KIF6: variants seen among roughly 807,000 people sequenced by gnomAD.
The protein encoded by KIF6 is kinesin family member 6, also known as kinesin-like protein KIF6.
KIF6 carries 106 observed loss-of-function variants against 112.7 expected under a neutral mutation model. That is an observed-to-expected ratio of 0.94 (90% CI 0.80 to 1.11). KIF6 has a LOEUF of 1.11. Among genes scored for constraint, KIF6 ranks in the 50% least tolerant of loss-of-function variants. KIF6 has a pLI of 0.00. For synonymous variants in KIF6, 339 were observed against 339.9 expected, an observed-to-expected ratio of 1.00 and a Z score of 0.03; for missense variants, 929 against 964.0, an observed-to-expected ratio of 0.96 and a Z score of 0.48.
rs570342848 is a variant in KIF6, at chr6:39,441,612, C to T, written c.1646-10451G>A. Among the ~76,000 whole-genome samples, 4 of 152,166 alleles carry T rather than the reference C, an allele frequency of 2.6e-5. No individual in the cohort carries two copies. In the South Asian group the frequency reaches 8.3e-4, roughly 32 times the overall value. On this transcript the variant is annotated intron_variant, in intron 13 of 22. Transcript: ENST00000287152. ...ATTTGAGGGGTTGCTGCGCTGGTAC[C>T]GCAGGGTATGAAATCTGAGGATGAG...
At chr6:39,496,389 T>C (rs1236078084) in intron 13 of KIF6, among the ~76,000 whole-genome samples, 5 of 152,222 alleles carry the variant, frequency 3.3e-5, no homozygotes, top group Admixed American at 3.3e-4. Context: ...CTTATTCTGC[T>C]CAGCCACTAT....
At chr6:39,548,841 T>A (rs1392284556) in intron 10 of KIF6, among the ~76,000 whole-genome samples, 1 of 152,190 alleles carries the variant, frequency 6.6e-6, no homozygotes, top group East Asian at 1.9e-4. Flanking sequence ...ATAAAGTCTA[T>A]TTTTTAGGAC....
At chr6:39,663,280 C>A (rs1049436429) in intron 3 of KIF6, among the ~76,000 whole-genome samples, 20 of 152,132 alleles carry the variant, frequency 1.3e-4, no homozygotes, top group Admixed American at 4.6e-4. Context: ...AATTTTGAAA[C>A]AAGATTTCCA....
chr6:39,603,394 A>C (rs1405033880), intron 6 of KIF6, among the ~76,000 whole-genome samples: 1 of 152,092 alleles, frequency 6.6e-6, no homozygotes, highest in Non-Finnish European at 1.5e-5. Flanking sequence ...TCTCCCTGGC[A>C]CTGATTCAGC....
chr6:39,704,029 T>C (rs1167649413), intron 3 of KIF6, among the ~76,000 whole-genome samples: 1 of 152,152 alleles, frequency 6.6e-6, no homozygotes, highest in Admixed American at 6.5e-5. Flanking sequence ...GATATAAAAT[T>C]GCAAACTTTT....
intron 13 of KIF6, 111 bp from the exon 14 acceptor site, chr6:39,431,272 CAG>C (rs755530844): frequency 1.7e-5 from 11 of 650,518 alleles, no homozygotes; most frequent in Non-Finnish European, 3.0e-5. Context: ...AGGCCCACAG[CAG>C]AGAGACTCTG....
chr6:39,581,844 C>T (rs536794707), intron 9 of KIF6, among the ~76,000 whole-genome samples: 1 of 152,238 alleles, frequency 6.6e-6, no homozygotes, highest in South Asian at 2.1e-4. Flanking sequence ...CTGGAGAATT[C>T]CCTTACTTCC....
At chr6:39,465,774 A>C (rs7740187) in intron 13 of KIF6, among the ~76,000 whole-genome samples, 1,932 of 152,278 alleles carry the variant, frequency 0.013, 52 homozygotes, top group African/African-American at 0.044. Context: ...TTGTGTTCTA[A>C]CTACACTCAA....
chr6:39,336,659 G>A, intron 22 of KIF6, 111 bp from the exon 23 acceptor site: 1 of 924,578 alleles, frequency 1.1e-6, no homozygotes, highest in Non-Finnish European at 1.8e-6. Flanking sequence ...TGGGTCTTGG[G>A]CACTGCATCT....
chr6:39,649,325 T>A (rs1785338263), intron 3 of KIF6, among the ~76,000 whole-genome samples: 1 of 152,156 alleles, frequency 6.6e-6, no homozygotes, highest in Admixed American at 6.5e-5. Context: ...AACCAAATCA[T>A]CAATCATTTT....
chr6:39,616,714 G>A (rs57272135), intron 5 of KIF6, among the ~76,000 whole-genome samples: 3,661 of 152,274 alleles, frequency 0.024, 153 homozygotes, highest in African/African-American at 0.084. Context: ...CAGCCAGTGC[G>A]TCAGCCCCAC....
At chr6:39,721,401 A>C (rs1790208636) in intron 1 of KIF6, among the ~76,000 whole-genome samples, 1 of 152,164 alleles carries the variant, frequency 6.6e-6, no homozygotes, top group Non-Finnish European at 1.5e-5. Context: ...CTTCCAACTC[A>C]GCCACTAATT....
Position 39,584,999 on chromosome 6 carries a change from T to G in KIF6, c.991-15A>C, listed in dbSNP as rs368424150. ...GATATAGACTCCTAAGAAAGCAAAG[T>G]AACTTCTTAAAATATTATGGCATAG... On this transcript the variant is annotated splice_polypyrimidine_tract_variant and intron_variant, in intron 8 of 22. Coordinates refer to ENST00000287152, the MANE Select transcript of KIF6 (RefSeq NM_145027.6). The G allele has an allele frequency of 2.0e-5, 29 of 1,428,994 alleles. No homozygotes were observed. The African/African-American group carries it at 3.9e-4, about 19-fold the overall frequency. 88.5% of individuals were successfully genotyped at this position (1,428,994 alleles called of 1,614,324 possible). A position where few individuals can be genotyped will look rare whatever the true frequency, so the allele number is the denominator to read the frequency against.
chr6:39,577,881 G>T (rs556239622), intron 10 of KIF6, among the ~76,000 whole-genome samples, 175 bp downstream of exon 10: 16 of 152,294 alleles, frequency 1.1e-4, no homozygotes, highest in African/African-American at 3.8e-4. Flanking sequence ...AACACTGCCA[G>T]CCTTATCCAG....
intron 10 of KIF6, among the ~76,000 whole-genome samples, chr6:39,559,771 TTAAC>T (rs1458653955): frequency 6.6e-6 from 1 of 152,034 alleles, no homozygotes; most frequent in Non-Finnish European, 1.5e-5. Flanking sequence ...TCTATCCACC[TTAAC>T]TTCCCTTGGA....
At chr6:39,396,489 T>C (rs918398162) in intron 15 of KIF6, among the ~76,000 whole-genome samples, 2 of 152,044 alleles carry the variant, frequency 1.3e-5, no homozygotes, top group Non-Finnish European at 1.5e-5. Context: ...CAGAGACAAC[T>C]GAACAGCAGT....
At chr6:39,381,237 C>T (rs1477037420) in intron 16 of KIF6, among the ~76,000 whole-genome samples, 1 of 152,154 alleles carries the variant, frequency 6.6e-6, no homozygotes, top group Non-Finnish European at 1.5e-5. Context: ...TTCCCCACGA[C>T]AAACCCAAAC....
intron 13 of KIF6, among the ~76,000 whole-genome samples, chr6:39,487,039 A>G (rs1775155057): frequency 6.6e-6 from 1 of 152,206 alleles, no homozygotes; most frequent in Non-Finnish European, 1.5e-5. Context: ...AACAGTAACA[A>G]CAAATAATAC....
intron 9 of KIF6, among the ~76,000 whole-genome samples, chr6:39,581,307 A>G (rs1220785058): frequency 3.3e-5 from 5 of 151,448 alleles, no homozygotes; most frequent in Non-Finnish European, 5.9e-5. Flanking sequence ...AGCTGGAATT[A>G]CTAGTGCCTG....
Sources: gnomAD v4.1 joint callset for allele counts (sites outside exome capture counted in the v4.1 genomes callset) on GRCh38, gnomAD v4.1.1 for gene constraint, MANE v1.5 for transcripts, NCBI Gene and HGNC (gene_info 2026-07-23, HGNC 2026-07-21) for gene names.